TET2: variants seen among roughly 807,000 people sequenced by gnomAD.
TET2 encodes tet methylcytosine dioxygenase 2, also known as methylcytosine dioxygenase TET2.
TET2 carries 299 observed loss-of-function variants against 142.9 expected under a neutral mutation model. The observed-to-expected ratio is 2.09, with a 90% CI of 1.90 to 2.30. TET2 has a LOEUF of 2.30. Among genes scored for constraint, TET2 ranks in the 30% most tolerant of loss-of-function variants. TET2 has a pLI of 0.00. For missense variants in TET2, 2,418 were observed against 2,378.0 expected (o/e 1.02, Z -0.35); for synonymous variants, 819 against 849.0 (o/e 0.96, Z 0.61).
intron 8 of TET2, among the ~76,000 whole-genome samples, chr4:105,267,317 C>G (rs1730727915): frequency 6.6e-6 from 1 of 151,648 alleles, no homozygotes; most frequent in Admixed American, 6.6e-5. Flanking sequence ...TGAACAGTAT[C>G]AAAAATAGTA....
intron 1 of TET2, among the ~76,000 whole-genome samples, chr4:105,175,476 GA>G (rs1318512310): frequency 3.3e-5 from 5 of 151,848 alleles, no homozygotes; most frequent in Non-Finnish European, 7.4e-5. Context: ...CATAGCCGAG[GA>G]AAAAATCTTT....
At chr4:105,170,513 T>C (rs946236063) in intron 1 of TET2, among the ~76,000 whole-genome samples, 1 of 152,146 alleles carries the variant, frequency 6.6e-6, no homozygotes, top group Non-Finnish European at 1.5e-5. Flanking sequence ...AAAATGGCAA[T>C]GAAATAATCT....
At chr4:105,186,917 A>G (rs1035891506) in intron 1 of TET2, among the ~76,000 whole-genome samples, 5 of 152,222 alleles carry the variant, frequency 3.3e-5, no homozygotes, top group African/African-American at 9.6e-5. Context: ...CTGAGGAACT[A>G]TATTCTAGCA....
At chr4:105,159,771 T>C (rs1410870367) in intron 1 of TET2, among the ~76,000 whole-genome samples, 4 of 152,130 alleles carry the variant, frequency 2.6e-5, no homozygotes, top group African/African-American at 9.7e-5. Flanking sequence ...ATCCCGGCAT[T>C]TTGGGAGGCC....
chr4:105,147,517 T>G (rs974774635), intron 1 of TET2: 5 of 152,190 alleles, frequency 3.3e-5, no homozygotes, highest in African/African-American at 1.2e-4. Context: ...TTATCCCCCT[T>G]TAGGGGGCTG....
At position 105,198,942 on chromosome 4, in the gene TET2, A is replaced by T. The variant is rs78139766; in HGVS notation, c.-47+8437A>T. On this transcript the variant is annotated intron_variant, in intron 2 of 10. Coordinates refer to ENST00000380013, the MANE Select transcript of TET2 (RefSeq NM_001127208.3). ...CACTTGCAGAACATTTGATACTTAC[A>T]TTTTTTTTTCACTAAAGTGTCCTAC... is the stretch of plus-strand genomic sequence containing the variant. Among the ~76,000 whole-genome samples, 4 of 151,234 alleles carry T rather than the reference A, an allele frequency of 2.6e-5. No homozygotes were observed. In the East Asian group the frequency reaches 5.8e-4, roughly 22 times the overall value.
intron 2 of TET2, among the ~76,000 whole-genome samples, chr4:105,205,026 T>G (rs941031084): frequency 2.0e-5 from 3 of 152,198 alleles, no homozygotes; most frequent in Admixed American, 1.3e-4. Context: ...TAATTGTTTT[T>G]ATTTTGTTTT....
chr4:105,193,779 A>G (rs1725923065), intron 2 of TET2, among the ~76,000 whole-genome samples: 1 of 152,224 alleles, frequency 6.6e-6, no homozygotes, highest in Non-Finnish European at 1.5e-5. Context: ...TAAGACAATC[A>G]GATGCAGATA....
chr4:105,251,496 GTTC>G (rs1560558474), intron 6 of TET2, among the ~76,000 whole-genome samples: 1 of 152,036 alleles, frequency 6.6e-6, no homozygotes, highest in Non-Finnish European at 1.5e-5. Context: ...ATGATCATGC[GTTC>G]TTCTCCTTTA....
At chr4:105,245,572 C>T (rs1215386986) in intron 6 of TET2, among the ~76,000 whole-genome samples, 3 of 152,052 alleles carry the variant, frequency 2.0e-5, no homozygotes, top group Non-Finnish European at 4.4e-5. Context: ...TCGGGTGATC[C>T]GCCCGCCTCG....
chr4:105,244,106 A>G (rs1729458742), intron 6 of TET2, among the ~76,000 whole-genome samples: 1 of 152,158 alleles, frequency 6.6e-6, no homozygotes, highest in African/African-American at 2.4e-5. Context: ...CCACTATATT[A>G]GTATGTATTG....
At chr4:105,247,069 C>T (rs1299165677) in intron 6 of TET2, among the ~76,000 whole-genome samples, 1 of 152,116 alleles carries the variant, frequency 6.6e-6, no homozygotes, top group Non-Finnish European at 1.5e-5. Context: ...TTTCAAGGAA[C>T]TTTATATTAT....
intron 2 of TET2, among the ~76,000 whole-genome samples, chr4:105,206,029 A>C (rs886420279): frequency 6.6e-6 from 1 of 152,120 alleles, no homozygotes; most frequent in Non-Finnish European, 1.5e-5. Flanking sequence ...TGCCCACCCC[A>C]CAACCCACAC....
intron 2 of TET2, among the ~76,000 whole-genome samples, chr4:105,210,583 G>A (rs569121083): frequency 5.3e-5 from 8 of 152,154 alleles, no homozygotes; most frequent in African/African-American, 1.4e-4. Context: ...GAGCTTATTC[G>A]AAATAGAAGC....
At chr4:105,241,219 A>G in intron 3 of TET2, 120 bp from the exon 4 acceptor site, 1 of 1,343,958 alleles carries the variant, frequency 7.4e-7, no homozygotes, top group Non-Finnish European at 9.6e-7. Context: ...TAAAGAAAAA[A>G]AAATTTTAAA....
intron 1 of TET2, among the ~76,000 whole-genome samples, chr4:105,179,223 GTCTTT>G (rs1724981456): frequency 6.6e-6 from 1 of 152,150 alleles, no homozygotes; most frequent in Non-Finnish European, 1.5e-5. Flanking sequence ...ATAAAACTAT[GTCTTT>G]TCTTTTATGG....
chr4:105,237,155 TGCA>T lies in TET2; in HGVS notation c.3215_3217del (p.Ala1072del). 6.2e-7 allele frequency: 1 copy of T among 1,614,176 alleles called. No individual in the cohort carries two copies. Among genetic ancestry groups the T allele is most frequent in the South Asian group, 1.1e-5 (1 of 91,086 alleles). ...CAGTTTTGACTAGACAAACCACTGC[TGCA>T]GAACTTGATAGCCACACCCCAGCTT... On this transcript the variant is annotated inframe_deletion, in exon 3 of 11. Coordinates refer to ENST00000380013, the MANE Select transcript of TET2 (RefSeq NM_001127208.3).
chr4:105,161,921 T>TGTGTGTATGTG (rs542274947), intron 1 of TET2, among the ~76,000 whole-genome samples: 182 of 152,338 alleles, frequency 1.2e-3, no homozygotes, highest in African/African-American at 4.2e-3. Context: ...TACTACTAAG[T>TGTGTGTATGTG]GTGTGTATGT....
In TET2 at chr4:105,234,630, C is replaced by CT; in HGVS notation, c.689dup (p.Ser231ValfsTer23). 6.2e-7 allele frequency: 1 copy of CT among 1,614,140 alleles called. No individual in the cohort carries two copies. The highest frequency in any genetic ancestry group is 8.5e-7 in the Non-Finnish European group (1 of 1,180,008). On this transcript the variant is annotated frameshift_variant, in exon 3 of 11. Transcript: ENST00000380013. LOFTEE classifies it high-confidence loss of function. ...ACATGGTGAACTCCTGGAAAAAACA[C>CT]TGTCTCAATATTATCCAGATTGTGT...
Sources: allele counts gnomAD v4.1 joint callset (sites outside exome capture counted in the v4.1 genomes callset), GRCh38; gene constraint gnomAD v4.1.1; transcripts MANE v1.5; gene names NCBI Gene and HGNC (gene_info 2026-07-23, HGNC 2026-07-21).